Variants in SYT1 observed in about 807,000 individuals in gnomAD.
The protein encoded by SYT1 is synaptotagmin 1, also known as synaptotagmin-1.
Under a neutral mutation model 44.8 loss-of-function variants are expected in SYT1, and 8 were observed. The observed-to-expected ratio is 0.18, with a 90% CI of 0.10 to 0.32. SYT1 has a LOEUF of 0.32. Ranked by LOEUF, SYT1 falls within the 10% of genes least tolerant of loss-of-function variation. The probability of loss-of-function intolerance (pLI) is 1.00; values close to 1 mark genes in which losing one functional copy is unlikely to be tolerated. For synonymous variants in SYT1, 154 were observed against 188.8 expected (o/e 0.82, Z 1.51); for missense variants, 286 against 509.3 (o/e 0.56, Z 4.22).
intron 3 of SYT1, among the ~76,000 whole-genome samples, chr12:79,064,926 GAGAAAGAAAGAAAGAAAGAAAGAAAGAA>G (rs200335076): frequency 0.01 from 1,167 of 111,528 alleles, 11 homozygotes; most frequent in African/African-American, 0.025. Flanking sequence ...AAAAAATAGA[GAGAAAGAAAGAAAGAAAGAAAGAAAGAA>G]AGAAAGAAAG....
At chr12:79,052,807 A>G (rs1433471394) in intron 3 of SYT1, among the ~76,000 whole-genome samples, 2 of 152,298 alleles carry the variant, frequency 1.3e-5, no homozygotes, top group Admixed American at 6.5e-5. Context: ...CCACAATGAG[A>G]TACCATCTCA....
At chr12:78,906,113 A>G (rs907760366) in intron 1 of SYT1, among the ~76,000 whole-genome samples, 2 of 152,130 alleles carry the variant, frequency 1.3e-5, no homozygotes, top group African/African-American at 2.4e-5. Context: ...AAATTTGTGT[A>G]TTTAGAAAGT....
At chr12:79,307,783 C>T (rs147475606) in intron 8 of SYT1, among the ~76,000 whole-genome samples, 1 of 152,222 alleles carries the variant, frequency 6.6e-6, no homozygotes, top group Non-Finnish European at 1.5e-5. Flanking sequence ...GTATGACTTG[C>T]ATGATCTCTC....
chr12:79,010,994 G>A (rs1389603933), intron 2 of SYT1, among the ~76,000 whole-genome samples: 2 of 152,132 alleles, frequency 1.3e-5, no homozygotes, highest in East Asian at 3.9e-4. Flanking sequence ...CTGCAGAGAT[G>A]GTGAGAAATA....
At chr12:79,043,657 A>G (rs146642540) in intron 2 of SYT1, among the ~76,000 whole-genome samples, 29,717 of 151,132 alleles carry the variant, frequency 0.2, 3,257 homozygotes, top group East Asian at 0.3. Flanking sequence ...GTGTGAATTT[A>G]ATCCTGTCAT....
chr12:79,256,895 T>C (rs1877551758), intron 4 of SYT1, among the ~76,000 whole-genome samples: 1 of 152,222 alleles, frequency 6.6e-6, no homozygotes, highest in Admixed American at 6.5e-5. Flanking sequence ...TACCCATGAT[T>C]CATCTTTAAA....
At chr12:78,986,250 C>T (rs986535710) in intron 2 of SYT1, among the ~76,000 whole-genome samples, 4 of 151,924 alleles carry the variant, frequency 2.6e-5, no homozygotes, top group Non-Finnish European at 5.9e-5. Flanking sequence ...AATTTTATTG[C>T]TATGTAACAT....
intron 9 of SYT1, among the ~76,000 whole-genome samples, chr12:79,418,598 C>G (rs989204712): frequency 1.1e-4 from 16 of 152,018 alleles, no homozygotes; most frequent in African/African-American, 3.9e-4. Flanking sequence ...TGGCCTTGCA[C>G]AAAAGAATGA....
intron 4 of SYT1, among the ~76,000 whole-genome samples, chr12:79,262,097 CCAAA>C (rs746297461): frequency 2.6e-5 from 4 of 152,098 alleles, no homozygotes; most frequent in Non-Finnish European, 5.9e-5. Flanking sequence ...GTAATAGTAA[CCAAA>C]CAGTCATTAT....
rs1869795852 is a variant in SYT1 at position 78,988,342 on chromosome 12, CAT to C, written c.-84+10413_-84+10414del. Among the ~76,000 whole-genome samples the C allele has an allele frequency of 2.0e-5, 3 of 148,988 alleles. No individual in the cohort carries two copies. The South Asian group carries it at 6.3e-4, about 31-fold the overall frequency. ...ATCTTTATATCAATAAATCAAGATACATAGATATCTTGTTTATTATCTATTTC... is the reference window on the plus strand; with the variant it reads ...ATCTTTATATCAATAAATCAAGATACAGATATCTTGTTTATTATCTATTTC... On this transcript the variant is annotated intron_variant, in intron 2 of 10. Coordinates refer to ENST00000261205, the MANE Select transcript of SYT1 (RefSeq NM_005639.3).
intron 3 of SYT1, among the ~76,000 whole-genome samples, chr12:79,065,051 C>A (rs1447278184): frequency 6.6e-6 from 1 of 152,134 alleles, no homozygotes; most frequent in Non-Finnish European, 1.5e-5. Flanking sequence ...CACGCTGCCA[C>A]TCTACCATTC....
Position 78,891,817 on chromosome 12 carries a change from A to G in SYT1, c.-217+26708A>G, listed in dbSNP as rs141874007. 2.0e-5 allele frequency among the ~76,000 whole-genome samples: 3 copies of G among 151,948 alleles called. No homozygotes were observed. The East Asian group carries it at 5.9e-4, about 30-fold the overall frequency. On this transcript the variant is annotated intron_variant, in intron 1 of 10. Coordinates refer to ENST00000261205, the MANE Select transcript of SYT1 (RefSeq NM_005639.3). Reference sequence around the variant, plus strand: ...CTCTACAGCTTCTCTTTAAAAGCTAAGTAATGGGTGGCAAAATAAACCAAA... The same window carrying G: ...CTCTACAGCTTCTCTTTAAAAGCTAGGTAATGGGTGGCAAAATAAACCAAA...
chr12:79,399,144 T>C (rs1299225485), intron 9 of SYT1, among the ~76,000 whole-genome samples: 1 of 152,220 alleles, frequency 6.6e-6, no homozygotes, highest in African/African-American at 2.4e-5. Context: ...ACATTTATTT[T>C]CTTAGGGGAT....
intron 3 of SYT1, among the ~76,000 whole-genome samples, chr12:79,126,423 G>A (rs1394686679): frequency 1.3e-5 from 2 of 152,216 alleles, no homozygotes; most frequent in East Asian, 3.9e-4. Flanking sequence ...ACCACACCTA[G>A]CTAATTTTTG....
At chr12:78,918,696 C>T (rs1387748499) in intron 1 of SYT1, among the ~76,000 whole-genome samples, 1 of 151,846 alleles carries the variant, frequency 6.6e-6, no homozygotes, top group East Asian at 1.9e-4. Context: ...CCAACTGGGG[C>T]CAGATTTTGT....
At chr12:79,369,533 T>G (rs185504618) in intron 9 of SYT1, among the ~76,000 whole-genome samples, 92 of 152,290 alleles carry the variant, frequency 6.0e-4, no homozygotes, top group African/African-American at 2.2e-3. Flanking sequence ...CTGATCCATA[T>G]TGAGATTAAG....
At chr12:79,011,739 G>A (rs1300101877) in intron 2 of SYT1, among the ~76,000 whole-genome samples, 2 of 151,370 alleles carry the variant, frequency 1.3e-5, no homozygotes, top group Admixed American at 6.6e-5. Context: ...TAGATCCTGG[G>A]AATCTGCATT....
At chr12:79,028,694 CT>C (rs1261928175) in intron 2 of SYT1, among the ~76,000 whole-genome samples, 1 of 151,276 alleles carries the variant, frequency 6.6e-6, no homozygotes, top group Non-Finnish European at 1.5e-5. Flanking sequence ...TATAGTCTTA[CT>C]TTGGTCTAAA....
At position 79,292,004 on chromosome 12, in the gene SYT1, A is replaced by G; in HGVS notation, c.352-4A>G. 1 of 1,613,746 alleles carries G rather than the reference A, an allele frequency of 6.2e-7. No homozygotes were observed. Among genetic ancestry groups the G allele is most frequent in the Non-Finnish European group, 8.5e-7 (1 of 1,179,960 alleles). On this transcript the variant is annotated splice_region_variant and splice_polypyrimidine_tract_variant and intron_variant, in intron 5 of 10. Transcript: ENST00000261205. Reference sequence around the variant, plus strand: ...TTCACATGTGATCCTTTCTCTATACATAGGCCCTCAAGGATGATGATGCTG... The same window carrying G: ...TTCACATGTGATCCTTTCTCTATACGTAGGCCCTCAAGGATGATGATGCTG...
Sources: allele counts gnomAD v4.1 joint callset (sites outside exome capture counted in the v4.1 genomes callset), GRCh38; gene constraint gnomAD v4.1.1; transcripts MANE v1.5; gene names NCBI Gene and HGNC (gene_info 2026-07-23, HGNC 2026-07-21).